Variants in TGFBR3 observed in about 807,000 individuals in gnomAD.
TGFBR3 encodes the protein transforming growth factor beta receptor 3.
In TGFBR3, 46 loss-of-function variants were observed where a neutral mutation model predicts 87.9. The ratio of observed to expected loss-of-function variants is 0.52; its 90% confidence interval spans 0.41 to 0.67. The LOEUF (loss-of-function observed/expected upper bound fraction) is 0.67. Among genes scored for constraint, TGFBR3 ranks in the 30% least tolerant of loss-of-function variants. The pLI is 0.00. For synonymous variants in TGFBR3, 381 were observed against 391.6 expected (o/e 0.97, Z 0.32); for missense variants, 866 against 1,041.9 (o/e 0.83, Z 2.32).
At chr1:91,812,698 C>T (rs976565011) in intron 2 of TGFBR3, among the ~76,000 whole-genome samples, 17 of 152,134 alleles carry the variant, frequency 1.1e-4, no homozygotes, top group African/African-American at 2.4e-4. Flanking sequence ...CTGCAACCTC[C>T]GCCTCCCGGG....
intron 1 of TGFBR3, among the ~76,000 whole-genome samples, chr1:91,884,902 C>G (rs1679232934): frequency 6.6e-6 from 1 of 152,352 alleles, no homozygotes; most frequent in South Asian, 2.1e-4. Context: ...ACATAAAACT[C>G]AGAATACGCC....
intron 2 of TGFBR3, among the ~76,000 whole-genome samples, chr1:91,799,279 A>G (rs976302311): frequency 2.6e-5 from 4 of 152,214 alleles, no homozygotes; most frequent in Non-Finnish European, 5.9e-5. Context: ...GCCTTCTCAA[A>G]TAGTCACTGC....
intron 1 of TGFBR3, among the ~76,000 whole-genome samples, chr1:91,878,580 C>A (rs897272041): frequency 4.6e-5 from 7 of 152,170 alleles, no homozygotes; most frequent in African/African-American, 1.7e-4. Context: ...ATGTTCTCAC[C>A]TATAAAAGGT....
chr1:91,752,636 T>C (rs1673587564), intron 4 of TGFBR3, among the ~76,000 whole-genome samples: 1 of 152,112 alleles, frequency 6.6e-6, no homozygotes, highest in Admixed American at 6.5e-5. Context: ...GGGTCTCATC[T>C]TGAAAACGTC....
At chr1:91,903,104 G>T (rs1679767723) in intron 1 of TGFBR3, among the ~76,000 whole-genome samples, 1 of 151,262 alleles carries the variant, frequency 6.6e-6, no homozygotes, top group African/African-American at 2.4e-5. Context: ...GGCCGAGATG[G>T]TGGGGGTGGT....
intron 2 of TGFBR3, among the ~76,000 whole-genome samples, chr1:91,828,464 C>T (rs1322469368): frequency 1.3e-5 from 2 of 152,200 alleles, no homozygotes; most frequent in Admixed American, 6.5e-5. Flanking sequence ...GAACAGGACA[C>T]TTGTGGTTAC....
chr1:91,780,884 TACACACACACACACACACACACACAC>T (rs56862200), intron 3 of TGFBR3, among the ~76,000 whole-genome samples: 1 of 132,580 alleles, frequency 7.5e-6, no homozygotes, highest in South Asian at 2.6e-4. Context: ...ACTAGAGAAC[TACACACACACACACACACACACACAC>T]ACACACACAC....
Position 91,892,549 on chromosome 1 carries a change from A to G in TGFBR3, c.-114+7088T>C, listed in dbSNP as rs1679471901. 2.0e-5 allele frequency among the ~76,000 whole-genome samples: 3 copies of G among 152,182 alleles called. No homozygotes were observed. The South Asian group carries it at 6.2e-4, about 32-fold the overall frequency. On this transcript the variant is annotated intron_variant, in intron 2 of 17. Transcript: ENST00000370399. ...CAAAATGAAAGTGTGCCAGAAACAT[A>G]ACTTTCTTATTTTTTAAAACTGAAC...
intron 3 of TGFBR3, among the ~76,000 whole-genome samples, chr1:91,785,794 G>A (rs569790394): frequency 2.1e-4 from 31 of 145,578 alleles, no homozygotes; most frequent in African/African-American, 4.6e-4. Context: ...TTTAGACAGC[G>A]TCTCGCTCTG....
At chr1:91,808,400 C>G (rs1675914642) in intron 2 of TGFBR3, among the ~76,000 whole-genome samples, 1 of 152,190 alleles carries the variant, frequency 6.6e-6, no homozygotes, top group South Asian at 2.1e-4. Flanking sequence ...TTCCATCAAT[C>G]CATAAAGACA....
At chr1:91,713,590 C>T (rs17131534) in intron 12 of TGFBR3, among the ~76,000 whole-genome samples, 10,833 of 152,252 alleles carry the variant, frequency 0.071, 410 homozygotes, top group Non-Finnish European at 0.088. Context: ...AGACTTTCCA[C>T]GCTGAGATAC....
At chr1:91,895,123 G>A (rs1429747501) in intron 2 of TGFBR3, among the ~76,000 whole-genome samples, 2 of 152,082 alleles carry the variant, frequency 1.3e-5, no homozygotes, top group South Asian at 2.1e-4. Context: ...TTGAATCTGC[G>A]TCCTCATCCA....
intron 6 of TGFBR3, among the ~76,000 whole-genome samples, chr1:91,728,334 A>G (rs1289091968): frequency 6.6e-6 from 1 of 152,224 alleles, no homozygotes; most frequent in Admixed American, 6.5e-5. Context: ...CTTGATTTAT[A>G]TAAGGTTTGC....
intron 1 of TGFBR3, among the ~76,000 whole-genome samples, chr1:91,884,850 A>G (rs1679231228): frequency 6.6e-6 from 1 of 152,220 alleles, no homozygotes; most frequent in Non-Finnish European, 1.5e-5. Context: ...TGTTTTTACT[A>G]CCTGTGGAGA....
intron 16 of TGFBR3, among the ~76,000 whole-genome samples, chr1:91,694,125 G>A (rs988585932): frequency 6.6e-6 from 1 of 152,062 alleles, no homozygotes; most frequent in Non-Finnish European, 1.5e-5. Context: ...TCAGCCAGCT[G>A]GGACAAGAGA....
In TGFBR3 at chr1:91,712,446, TGGTGTAA is replaced by T; in HGVS notation, c.1956_1962del (p.His652GlnfsTer13). 2 of 1,613,938 alleles carry T rather than the reference TGGTGTAA, an allele frequency of 1.2e-6. No individual in the cohort carries two copies. Among genetic ancestry groups the T allele is most frequent in the Non-Finnish European group, 1.7e-6 (2 of 1,179,780 alleles). On this transcript the variant is annotated frameshift_variant, in exon 13 of 17. Transcript: ENST00000212355. LOFTEE classifies it high-confidence loss of function. ...TCTTTAGGACAAATATTCTCAATAA[TGGTGTAA>T]TGAGACATCCTATCAGGGTTCGAAT...
chr1:91,796,873 C>A (rs1047353820), intron 3 of TGFBR3, among the ~76,000 whole-genome samples: 1 of 151,980 alleles, frequency 6.6e-6, no homozygotes, highest in Admixed American at 6.6e-5. Flanking sequence ...CTAACTACCA[C>A]ACCCTGCTAA....
At position 91,734,370 on chromosome 1, in the gene TGFBR3, GA is replaced by G. The variant is rs11466578; in HGVS notation, c.568+405del. Among the ~76,000 whole-genome samples the G allele has an allele frequency of 1.8e-3, 281 of 152,302 alleles. 1 individual carries two copies. Among genetic ancestry groups the G allele is most frequent in the African/African-American group, 6.4e-3 (267 of 41,578 alleles). ...CTGACACAGGCTTCAAACGTTTGCA[GA>G]ACACAGGTAAGAGGAAGCCACCTGC... On this transcript the variant is annotated intron_variant, in intron 5 of 16. Transcript: ENST00000212355.
chr1:91,754,733 G>A (rs1402909605), intron 4 of TGFBR3, among the ~76,000 whole-genome samples: 1 of 152,272 alleles, frequency 6.6e-6, no homozygotes, highest in Admixed American at 6.5e-5. Flanking sequence ...GGGTGGCTGC[G>A]ATGTCCTGGG....
Sources: allele counts gnomAD v4.1 joint callset (sites outside exome capture counted in the v4.1 genomes callset), GRCh38; gene constraint gnomAD v4.1.1; transcripts MANE v1.5; gene names NCBI Gene and HGNC (gene_info 2026-07-23, HGNC 2026-07-21).